Variants in FZD1 observed in about 807,000 individuals in gnomAD.
The protein encoded by FZD1 is frizzled-1.
Under a neutral mutation model 48.0 loss-of-function variants are expected in FZD1, and 22 were observed. That is an observed-to-expected ratio of 0.46 (90% CI 0.33 to 0.65). The LOEUF is 0.65. Among genes scored for constraint, FZD1 ranks in the 30% least tolerant of loss-of-function variants. FZD1 has a pLI of 0.02. For missense variants in FZD1, 843 were observed against 898.1 expected, an observed-to-expected ratio of 0.94 and a Z score of 0.78; for synonymous variants, 486 against 409.6, an observed-to-expected ratio of 1.19 and a Z score of -2.25.
Position 91,268,967 on chromosome 7 carries a change from C to A in FZD1, c.*2143C>A, listed in dbSNP as rs1331383856. 1 of 162,666 alleles carries A rather than the reference C, an allele frequency of 6.1e-6. No individual in the cohort carries two copies. Among genetic ancestry groups the A allele is most frequent in the Admixed American group, 6.7e-5 (1 of 14,896 alleles). The allele number at this position is 162,666 out of a possible 1,614,324, so 10.1% of individuals were successfully genotyped here. A position where few individuals can be genotyped will look rare whatever the true frequency, so the allele number is the denominator to read the frequency against. ...GAAAATAGAAGTTTGCAAATTATTT[C>A]TTTACTCAAAGAGGATTAAAAGAGA... On this transcript the variant is annotated 3_prime_UTR_variant, in exon 1 of 1. Transcript: ENST00000287934.
rs996674807 is a variant in FZD1, at chr7:91,269,080, T to G, written c.*2256T>G. ...ATTATGGAGGTTTATTTTTAAATCA[T>G]CACCTTTCTCATATTTTTTAGAGGT... On this transcript the variant is annotated 3_prime_UTR_variant, in exon 1 of 1. Coordinates refer to ENST00000287934, the MANE Select transcript of FZD1 (RefSeq NM_003505.2). The G allele has an allele frequency of 4.2e-4, 70 of 166,828 alleles. No homozygotes were observed. In the Admixed American group the frequency reaches 4.5e-3, roughly 11 times the overall value. The allele number at this position is 166,828 out of a possible 1,614,324, so 10.3% of individuals were successfully genotyped here.
rs577841028 is a variant in FZD1, at chr7:91,270,176, A to AT, written c.*3362dup. 1.1e-4 allele frequency: 18 copies of AT among 163,360 alleles called. No individual in the cohort carries two copies. The highest frequency in any genetic ancestry group is 2.9e-4 in the African/African-American group (12 of 40,754). The allele number at this position is 163,360 out of a possible 1,614,324, so 10.1% of individuals were successfully genotyped here. ...TATTTTCAGATGGTTTGATTTGCCTATTTTTTTTTTAAACCAGCTATAAAT... is the reference window on the plus strand; with the variant it reads ...TATTTTCAGATGGTTTGATTTGCCTATTTTTTTTTTTAAACCAGCTATAAAT... On this transcript the variant is annotated 3_prime_UTR_variant, in exon 1 of 1. Coordinates refer to ENST00000287934, the MANE Select transcript of FZD1 (RefSeq NM_003505.2).
In FZD1 at chr7:91,265,522, G is replaced by A; in HGVS notation, c.642G>A (p.Lys214=). 1 of 1,612,348 alleles carries A rather than the reference G, an allele frequency of 6.2e-7. No individual in the cohort carries two copies. Among genetic ancestry groups the A allele is most frequent in the Non-Finnish European group, 8.5e-7 (1 of 1,179,826 alleles). The part of the protein sequence containing the change: ...KFGFQWPDTL[K]CEKFPVHGAG... ...GCTTCCAGTGGCCAGACACGCTCAA[G>A]TGTGAGAAGTTCCCGGTGCACGGCG... Residue 214 remains lysine, a synonymous_variant, in exon 1 of 1, where the codon AAG becomes AAA. Coordinates refer to ENST00000287934, the MANE Select transcript of FZD1 (RefSeq NM_003505.2). The surrounding 1 kb of genome is among the most constrained non-coding windows in gnomAD (Gnocchi z 6.9).
Position 91,265,398 on chromosome 7 carries a change from A to G in FZD1, c.518A>G (p.Tyr173Cys). The G allele has an allele frequency of 6.2e-7, 1 of 1,613,876 alleles. No individual in the cohort carries two copies. Among genetic ancestry groups the G allele is most frequent in the Non-Finnish European group, 8.5e-7 (1 of 1,179,918 alleles). Residue 173 changes from tyrosine to cysteine, a missense_variant, in exon 1 of 1, where the codon TAC becomes TGC. Physicochemically the swap from Tyr to Cys is radical, Grantham distance 194 (BLOSUM62 -2). Transcript: ENST00000287934. The surrounding 1 kb of genome is among the most constrained non-coding windows in gnomAD (Gnocchi z 6.9). ...AELKFFLCSM[Y>C]APVCTVLEQA... ...CTCAAGTTCTTCCTGTGCTCCATGT[A>G]CGCGCCCGTGTGCACCGTGCTAGAG...
chr7:91,265,409 T>G lies in FZD1; in HGVS notation c.529T>G (p.Cys177Gly), dbSNP rs762437358. The change falls in exon 1 of 1, where the codon TGC becomes GGC. Residue 177 changes from cysteine (C) to glycine (G), a missense_variant. By Grantham distance (159) the Cys-to-Gly change is radical. This residue lies in a region of FZD1 where 490 missense variants were observed against 466.5 expected (regional missense o/e 1.05). Transcript: ENST00000287934. The surrounding 1 kb of genome is among the most constrained non-coding windows in gnomAD (Gnocchi z 6.9). ...FFLCSMYAPV[C>G]TVLEQALPPC... ...CCTGTGCTCCATGTACGCGCCCGTG[T>G]GCACCGTGCTAGAGCAGGCGCTGCC... 2 of 1,613,874 alleles carry G rather than the reference T, an allele frequency of 1.2e-6. No homozygotes were observed. Among genetic ancestry groups the G allele is most frequent in the Non-Finnish European group, 1.7e-6 (2 of 1,179,936 alleles).
Position 91,266,369 on chromosome 7 carries a change from G to A in FZD1, c.1489G>A (p.Val497Met). 1 of 1,614,156 alleles carries A rather than the reference G, an allele frequency of 6.2e-7. No homozygotes were observed. The highest frequency in any genetic ancestry group is 8.5e-7 in the Non-Finnish European group (1 of 1,180,042). ...LRGFVLAPLF[V>M]YLFIGTSFLL... The stretch of plus-strand genomic sequence containing the variant: ...TGGCTTCGTGCTGGCGCCCCTCTTC[G>A]TGTACCTGTTTATCGGCACGTCCTT... The change falls in exon 1 of 1, where the codon GTG (valine) becomes ATG (methionine). Residue 497 changes from valine (V) to methionine (M), a missense_variant. Transcript: ENST00000287934. The surrounding 1 kb of genome is among the most constrained non-coding windows in gnomAD (Gnocchi z 6.8).
Position 91,265,171 on chromosome 7 carries a change from G to C in FZD1, c.291G>C (p.Gln97His), listed in dbSNP as rs1403826346. 6.2e-7 allele frequency: 1 copy of C among 1,611,614 alleles called. No individual in the cohort carries two copies. The highest frequency in any genetic ancestry group is 8.5e-7 in the Non-Finnish European group (1 of 1,179,488). Residue 97 changes from glutamine to histidine, a missense_variant, in exon 1 of 1, where the codon CAG becomes CAC. Gln to His is a conservative substitution (Grantham distance 24). Around this residue, in one of 2 missense-constraint regions of FZD1, gnomAD observed 490 missense variants for 466.5 expected, o/e 1.05. Transcript: ENST00000287934. This position sits in a 1 kb window ranked among gnomAD's most constrained non-coding sequence, Gnocchi z 6.9. The part of the protein sequence containing the change: ...QQPPPPPQQQ[Q>H]SGQQYNGERG... ...CGCCGCCGCCGCCTCAGCAGCAACA[G>C]AGCGGGCAGCAGTACAACGGCGAGC... is the stretch of plus-strand genomic sequence containing the variant.
chr7:91,270,112 A>T lies in FZD1; in HGVS notation c.*3288A>T, dbSNP rs1190305881. The T allele has an allele frequency of 1.8e-5, 3 of 167,006 alleles. No individual in the cohort carries two copies. Among genetic ancestry groups the T allele is most frequent in the Non-Finnish European group, 4.4e-5 (3 of 68,102 alleles). The allele number at this position is 167,006 out of a possible 1,614,324, so 10.3% of individuals were successfully genotyped here. A position where few individuals can be genotyped will look rare whatever the true frequency, so the allele number is the denominator to read the frequency against. The stretch of plus-strand genomic sequence containing the variant: ...CTGGAAAACCATAAGGCTACTTGGG[A>T]TACTGTCCCATTAGCATTGCTGTTT... On this transcript the variant is annotated 3_prime_UTR_variant, in exon 1 of 1. Coordinates refer to ENST00000287934, the MANE Select transcript of FZD1 (RefSeq NM_003505.2).
In FZD1 at chr7:91,264,433, G is replaced by C. The variant is rs1803829514; in HGVS notation, c.-448G>C. On this transcript the variant is annotated 5_prime_UTR_variant, in exon 1 of 1. Transcript: ENST00000287934. Reference sequence around the variant, plus strand: ...ACAGACTACGGGGCGCCTGGAAACCGGTCCGAGGGCGCGCGAGGCAGAGGA... The same window carrying C: ...ACAGACTACGGGGCGCCTGGAAACCCGTCCGAGGGCGCGCGAGGCAGAGGA... The C allele has an allele frequency of 4.9e-6, 1 of 206,134 alleles. No individual in the cohort carries two copies. Among genetic ancestry groups the C allele is most frequent in the Non-Finnish European group, 9.7e-6 (1 of 102,900 alleles). The allele number at this position is 206,134 out of a possible 1,614,324, so 12.8% of individuals were successfully genotyped here.
rs147706447 is a variant in FZD1 at position 91,268,310 on chromosome 7, G to T, written c.*1486G>T. On this transcript the variant is annotated 3_prime_UTR_variant, in exon 1 of 1. Transcript: ENST00000287934. ...GTGGAATAATTGACGGGGAGATAGC[G>T]CCTGAAATAAACAAAATATGGGCAT... 1.2e-5 allele frequency: 2 copies of T among 167,000 alleles called. No homozygotes were observed. The highest frequency in any genetic ancestry group is 4.8e-5 in the African/African-American group (2 of 41,418). The allele number at this position is 167,000 out of a possible 1,614,324, so 10.3% of individuals were successfully genotyped here. A position where few individuals can be genotyped will look rare whatever the true frequency, so the allele number is the denominator to read the frequency against.
rs1238287774 is a variant in FZD1 at position 91,265,337 on chromosome 7, T to G, written c.457T>G (p.Phe153Val). 2.5e-6 allele frequency: 4 copies of G among 1,614,008 alleles called. No homozygotes were observed. The highest frequency in any genetic ancestry group is 3.4e-6 in the Non-Finnish European group (4 of 1,179,980). Residue 153 changes from phenylalanine to valine, a missense_variant, in exon 1 of 1, where the codon TTC (phenylalanine) becomes GTC (valine). By Grantham distance (50) the Phe-to-Val change is conservative. This residue lies in a region of FZD1 where 490 missense variants were observed against 466.5 expected (regional missense o/e 1.05). Coordinates refer to ENST00000287934, the MANE Select transcript of FZD1 (RefSeq NM_003505.2). This position sits in a 1 kb window ranked among gnomAD's most constrained non-coding sequence, Gnocchi z 6.9. The part of the protein sequence containing the change: ...QEDAGLEVHQ[F>V]YPLVKVQCSA... ...GGACGCGGGCCTGGAGGTGCACCAGTTCTACCCTCTAGTGAAAGTGCAGTG... is the reference window on the plus strand; with the variant it reads ...GGACGCGGGCCTGGAGGTGCACCAGGTCTACCCTCTAGTGAAAGTGCAGTG...
chr7:91,264,860 C>G lies in FZD1; in HGVS notation c.-21C>G, dbSNP rs1267702770. The G allele has an allele frequency of 3.1e-6, 4 of 1,281,456 alleles. No individual in the cohort carries two copies. Among genetic ancestry groups the G allele is most frequent in the Non-Finnish European group, 3.9e-6 (4 of 1,017,466 alleles). The allele number at this position is 1,281,456 out of a possible 1,614,324, so 79.4% of individuals were successfully genotyped here. On this transcript the variant is annotated 5_prime_UTR_variant, in exon 1 of 1. Transcript: ENST00000287934. Reference sequence around the variant, plus strand: ...CCTGGCAGCCCCAGCGGAGCGGCGCCAAGAGAGGAGCCGAGAAAGTATGGC... The same window carrying G: ...CCTGGCAGCCCCAGCGGAGCGGCGCGAAGAGAGGAGCCGAGAAAGTATGGC...
chr7:91,270,992 T>C lies in FZD1; in HGVS notation c.*4168T>C, dbSNP rs753862742. The C allele has an allele frequency of 7.8e-5, 13 of 167,012 alleles. No homozygotes were observed. Among genetic ancestry groups the C allele is most frequent in the Non-Finnish European group, 7.3e-5 (5 of 68,116 alleles). The allele number at this position is 167,012 out of a possible 1,614,324, so 10.3% of individuals were successfully genotyped here. A position where few individuals can be genotyped will look rare whatever the true frequency, so the allele number is the denominator to read the frequency against. ...TCTAGTTACATGACTAAAAAGGAATTGCAATACTATCTTAAATTGAAGGCT... is the reference window on the plus strand; with the variant it reads ...TCTAGTTACATGACTAAAAAGGAATCGCAATACTATCTTAAATTGAAGGCT... On this transcript the variant is annotated 3_prime_UTR_variant, in exon 1 of 1. Coordinates refer to ENST00000287934, the MANE Select transcript of FZD1 (RefSeq NM_003505.2).
Position 91,266,974 on chromosome 7 carries a change from G to A in FZD1, c.*150G>A. The A allele has an allele frequency of 1.7e-6, 1 of 603,856 alleles. No individual in the cohort carries two copies. The highest frequency in any genetic ancestry group is 2.8e-5 in the East Asian group (1 of 35,588). The allele number at this position is 603,856 out of a possible 1,614,324, so 37.4% of individuals were successfully genotyped here. A position where few individuals can be genotyped will look rare whatever the true frequency, so the allele number is the denominator to read the frequency against. On this transcript the variant is annotated 3_prime_UTR_variant, in exon 1 of 1. Transcript: ENST00000287934. This position sits in a 1 kb window ranked among gnomAD's most constrained non-coding sequence, Gnocchi z 6.8. Reference sequence around the variant, plus strand: ...GGCTCCTTTGAACAACTCAGCTCCTGCAAAAGCTTCCGTCCCTGAGGCAAA... The same window carrying A: ...GGCTCCTTTGAACAACTCAGCTCCTACAAAAGCTTCCGTCCCTGAGGCAAA...
Position 91,266,055 on chromosome 7 carries a change from C to T in FZD1, c.1175C>T (p.Thr392Ile), listed in dbSNP as rs768453043. 3.7e-6 allele frequency: 6 copies of T among 1,614,086 alleles called. No homozygotes were observed. The South Asian group carries it at 4.4e-5, about 12-fold the overall frequency. Residue 392 changes from threonine to isoleucine, a missense_variant, in exon 1 of 1, where the codon ACT becomes ATT. Transcript: ENST00000287934. This position sits in a 1 kb window ranked among gnomAD's most constrained non-coding sequence, Gnocchi z 6.8. ...AAGTTCGCCGAGGACGGGGCACGCACTGTGGCGCAGGGCACCAAGAAGGAG... is the reference window on the plus strand; with the variant it reads ...AAGTTCGCCGAGGACGGGGCACGCATTGTGGCGCAGGGCACCAAGAAGGAG... ...NDKFAEDGARTVAQGTKKEGC... is the reference protein window; with the variant it reads ...NDKFAEDGARIVAQGTKKEGC...
Position 91,266,229 on chromosome 7 carries a change from C to T in FZD1, c.1349C>T (p.Ala450Val). The T allele has an allele frequency of 6.8e-6, 11 of 1,614,158 alleles. No homozygotes were observed. The highest frequency in any genetic ancestry group is 1.3e-5 in the African/African-American group (1 of 75,078). ...IEANSQYFHL[A>V]AWAVPAIKTI... ...GCCAACTCACAGTATTTTCACCTGG[C>T]CGCCTGGGCTGTGCCGGCCATCAAG... The change falls in exon 1 of 1, where the codon GCC (alanine) becomes GTC (valine). Residue 450 changes from alanine to valine, a missense_variant. This residue lies in a region of FZD1 where 353 missense variants were observed against 431.6 expected (regional missense o/e 0.82). Coordinates refer to ENST00000287934, the MANE Select transcript of FZD1 (RefSeq NM_003505.2). The surrounding 1 kb of genome is among the most constrained non-coding windows in gnomAD (Gnocchi z 6.8).
Position 91,270,438 on chromosome 7 carries a change from C to G in FZD1, c.*3614C>G. On this transcript the variant is annotated 3_prime_UTR_variant, in exon 1 of 1. Transcript: ENST00000287934. ...GTAGTCACTTGTCAGCCTGAGTTTACTGGCCTGGTCCTTTTGTCTCCACTG... is the reference window on the plus strand; with the variant it reads ...GTAGTCACTTGTCAGCCTGAGTTTAGTGGCCTGGTCCTTTTGTCTCCACTG... 1 of 167,186 alleles carries G rather than the reference C, an allele frequency of 6.0e-6. No individual in the cohort carries two copies. 10.4% of individuals were successfully genotyped at this position (167,186 alleles called of 1,614,324 possible).
In FZD1 at chr7:91,267,564, C is replaced by T. The variant is rs1021089661; in HGVS notation, c.*740C>T. The T allele has an allele frequency of 2.4e-5, 4 of 167,216 alleles. No homozygotes were observed. The highest frequency in any genetic ancestry group is 9.6e-5 in the African/African-American group (4 of 41,568). 10.4% of individuals were successfully genotyped at this position (167,216 alleles called of 1,614,324 possible). On this transcript the variant is annotated 3_prime_UTR_variant, in exon 1 of 1. Transcript: ENST00000287934. ...TTGCGAAGGCCCGTCCCTTCGACTT[C>T]CTGAAGCTGGATTTTTAACTGTCCA...
rs1229296886 is a variant in FZD1, at chr7:91,269,944, T to C, written c.*3120T>C. On this transcript the variant is annotated 3_prime_UTR_variant, in exon 1 of 1. Transcript: ENST00000287934. ...TTTGATGCAGAAAGGTTTTACATGC[T>C]GTGGTTAAATAGCTTTAGAAGACAT... The C allele has an allele frequency of 1.2e-5, 2 of 167,110 alleles. No homozygotes were observed. The highest frequency in any genetic ancestry group is 2.9e-5 in the Non-Finnish European group (2 of 68,120). 10.4% of individuals were successfully genotyped at this position (167,110 alleles called of 1,614,324 possible).
Sources: allele counts gnomAD v4.1 joint callset, GRCh38; gene constraint gnomAD v4.1.1; regional missense constraint gnomAD v4.1.1; non-coding constraint Gnocchi (gnomAD v3.1); transcripts MANE v1.5; gene names NCBI Gene and HGNC (gene_info 2026-07-23, HGNC 2026-07-21).